Variants in SPAG17 observed in about 807,000 individuals in gnomAD.
The protein encoded by SPAG17 is sperm-associated antigen 17.
A neutral mutation model predicts 273.6 loss-of-function variants in SPAG17; 169 were observed. The ratio of observed to expected loss-of-function variants is 0.62; its 90% CI spans 0.55 to 0.70. The LOEUF (loss-of-function observed/expected upper bound fraction) is 0.70. Ranked by LOEUF, SPAG17 falls within the 30% of genes least tolerant of loss-of-function variation. SPAG17 has a pLI of 0.00. For missense variants in SPAG17, 2,557 were observed against 2,627.8 expected (o/e 0.97, Z 0.59); for synonymous variants, 825 against 873.2 (o/e 0.94, Z 0.97).
chr1:117,998,468 C>G (rs1657908229), intron 32 of SPAG17, among the ~76,000 whole-genome samples: 1 of 152,060 alleles, frequency 6.6e-6, no homozygotes, highest in South Asian at 2.1e-4. Flanking sequence ...CCCTGTAGTA[C>G]AGCTGAAGTT....
chr1:118,147,169 TAG>T (rs1659052249), intron 3 of SPAG17, among the ~76,000 whole-genome samples: 1 of 152,232 alleles, frequency 6.6e-6, no homozygotes, highest in African/African-American at 2.4e-5. Flanking sequence ...TTCCTGAGGT[TAG>T]AGTCTTTGCT....
At chr1:118,005,956 T>C (rs1261513061) in intron 31 of SPAG17, among the ~76,000 whole-genome samples, 1 of 152,190 alleles carries the variant, frequency 6.6e-6, no homozygotes, top group Non-Finnish European at 1.5e-5. Context: ...TTGGGGTTGC[T>C]CATGATCTTG....
At chr1:118,084,638 A>AGCAACAT (rs1399672632) in intron 13 of SPAG17, among the ~76,000 whole-genome samples, 1 of 152,208 alleles carries the variant, frequency 6.6e-6, no homozygotes, top group East Asian at 1.9e-4. Flanking sequence ...ACTCCTGCTC[A>AGCAACAT]GCAACATGCT....
chr1:118,037,399 T>C (rs573745188), intron 23 of SPAG17, among the ~76,000 whole-genome samples: 6 of 152,302 alleles, frequency 3.9e-5, no homozygotes, highest in African/African-American at 9.6e-5. Context: ...GTTTGTTACA[T>C]GGGTAAATTG....
intron 3 of SPAG17, among the ~76,000 whole-genome samples, chr1:118,131,504 A>G (rs942318585): frequency 6.6e-6 from 1 of 152,070 alleles, no homozygotes; most frequent in Non-Finnish European, 1.5e-5. Context: ...TATCTCTTCC[A>G]TTACTTCCTC....
rs1657008674 is a variant in SPAG17, at chr1:118,115,305, A to G, written c.447+5T>C. On this transcript the variant is annotated splice_donor_5th_base_variant and intron_variant, in intron 4 of 48. Coordinates refer to ENST00000336338, the MANE Select transcript of SPAG17 (RefSeq NM_206996.4). ...CTTTAGAAAACCCACCAGATCGTAC[A>G]GTACCTTCTTTTCATTTTCCCGTCG... The G allele has an allele frequency of 6.2e-7, 1 of 1,612,796 alleles. No individual in the cohort carries two copies. Among genetic ancestry groups the G allele is most frequent in the African/African-American group, 1.3e-5 (1 of 74,864 alleles).
Position 118,099,286 on chromosome 1 carries a change from C to T in SPAG17, c.829+320G>A, listed in dbSNP as rs541274041. ...AGATTATTAACAGTGATTCATCCAG[C>T]GCATCCTTTAGGTAAAACTTATAGA... is the stretch of plus-strand genomic sequence containing the variant. On this transcript the variant is annotated intron_variant, in intron 6 of 48. Coordinates refer to ENST00000336338, the MANE Select transcript of SPAG17 (RefSeq NM_206996.4). Among the ~76,000 whole-genome samples, 23 of 152,282 alleles carry T rather than the reference C, an allele frequency of 1.5e-4. No individual in the cohort carries two copies. In the East Asian group the frequency reaches 1.9e-3, roughly 13 times the overall value.
At chr1:118,111,453 C>T (rs1342709669) in intron 4 of SPAG17, among the ~76,000 whole-genome samples, 1 of 151,594 alleles carries the variant, frequency 6.6e-6, no homozygotes, top group African/African-American at 2.4e-5. Context: ...TTTCTCTGTT[C>T]GATTTCTTAA....
At chr1:118,032,895 T>C (rs1031770694) in intron 24 of SPAG17, among the ~76,000 whole-genome samples, 1 of 152,108 alleles carries the variant, frequency 6.6e-6, no homozygotes, top group East Asian at 1.9e-4. Context: ...TCTCAGCCAA[T>C]CCCCTAAATG....
chr1:118,030,799 C>A (rs1330107679), intron 25 of SPAG17, among the ~76,000 whole-genome samples: 1 of 152,120 alleles, frequency 6.6e-6, no homozygotes, highest in African/African-American at 2.4e-5. Context: ...GCATAGTATT[C>A]CATGGTGTAT....
At position 118,159,667 on chromosome 1, in the gene SPAG17, T is replaced by C. The variant is rs115349160; in HGVS notation, c.88-8298A>G. Among the ~76,000 whole-genome samples the C allele has an allele frequency of 6.3e-3, 954 of 152,358 alleles. 9 individuals are homozygous for C. The highest frequency in any genetic ancestry group is 0.022 in the African/African-American group (919 of 41,576). ...TCCTGGGGATCTTCTTTGTACCGTG[T>C]AGCCTCTGGCTTAGGCTGTTTGATT... On this transcript the variant is annotated intron_variant, in intron 1 of 48. Transcript: ENST00000336338.
chr1:118,022,216 T>C (rs765551973), intron 28 of SPAG17, among the ~76,000 whole-genome samples: 3 of 152,152 alleles, frequency 2.0e-5, no homozygotes, highest in Non-Finnish European at 4.4e-5. Flanking sequence ...ACTTAACTTC[T>C]CTCCCTCAAT....
intron 27 of SPAG17, among the ~76,000 whole-genome samples, chr1:118,024,405 A>G (rs190499935): frequency 1.3e-5 from 2 of 152,192 alleles, no homozygotes; most frequent in East Asian, 1.9e-4. Flanking sequence ...ATGAACTGTT[A>G]ACCTCTCAGG....
At position 118,039,281 on chromosome 1, in the gene SPAG17, C is replaced by T. The variant is rs1340924235; in HGVS notation, c.3319+11G>A. The T allele has an allele frequency of 2.5e-6, 4 of 1,611,116 alleles. No individual in the cohort carries two copies. Among genetic ancestry groups the T allele is most frequent in the Non-Finnish European group, 1.7e-6 (2 of 1,178,702 alleles). On this transcript the variant is annotated intron_variant, in intron 23 of 48. Transcript: ENST00000336338. ...TAGTCAGAAGAAAGAAACCACTAAA[C>T]AGCAGCTTACCCGTTTCAAGACTTT...
chr1:118,085,445 TA>T (rs921127741), intron 13 of SPAG17, among the ~76,000 whole-genome samples: 1 of 152,146 alleles, frequency 6.6e-6, no homozygotes, highest in Non-Finnish European at 1.5e-5. Flanking sequence ...GCAATGATGA[TA>T]AAAGAGTGCA....
intron 15 of SPAG17, among the ~76,000 whole-genome samples, chr1:118,076,990 C>A (rs1018064466): frequency 6.6e-6 from 1 of 152,030 alleles, no homozygotes; most frequent in African/African-American, 2.4e-5. Flanking sequence ...ATCCACTAGG[C>A]CCTGTCAAGT....
At chr1:118,008,413 CTTAA>C (rs1659134773) in intron 30 of SPAG17, among the ~76,000 whole-genome samples, 1 of 152,050 alleles carries the variant, frequency 6.6e-6, no homozygotes, top group African/African-American at 2.4e-5. Context: ...AAAAAATCTT[CTTAA>C]TTTAGTATGC....
At chr1:117,973,264 G>T (rs1197597272) in intron 44 of SPAG17, among the ~76,000 whole-genome samples, 161 bp downstream of exon 44, 2 of 152,186 alleles carry the variant, frequency 1.3e-5, no homozygotes, top group Admixed American at 6.5e-5. Flanking sequence ...TGAGATGGTA[G>T]ATACGGTCAA....
chr1:117,989,602 G>T (rs527288713), intron 38 of SPAG17, among the ~76,000 whole-genome samples: 25 of 152,094 alleles, frequency 1.6e-4, no homozygotes, highest in African/African-American at 5.8e-4. Flanking sequence ...TTGAGACAGG[G>T]TCTTGCTCTG....
Sources: allele counts gnomAD v4.1 joint callset (sites outside exome capture counted in the v4.1 genomes callset), GRCh38; gene constraint gnomAD v4.1.1; transcripts MANE v1.5; gene names NCBI Gene and HGNC (gene_info 2026-07-23, HGNC 2026-07-21).